Variants in CPS1 observed in about 807,000 individuals in gnomAD.
The protein encoded by CPS1 is carbamoyl-phosphate synthase [ammonia], mitochondrial.
CPS1 carries 109 observed loss-of-function variants against 174.6 expected under a neutral mutation model. The ratio of observed to expected loss-of-function variants is 0.62; its 90% CI spans 0.53 to 0.73. The LOEUF is 0.73. Among genes scored for constraint, CPS1 ranks in the 30% least tolerant of loss-of-function variants. CPS1 has a pLI of 0.00. For synonymous variants in CPS1, 637 were observed against 632.0 expected (o/e 1.01, Z -0.12); for missense variants, 1,689 against 1,821.9 (o/e 0.93, Z 1.33).
In CPS1 at chr2:210,514,399, C is replaced by T. The variant is rs148772630; in HGVS notation, c.3+36633C>T. On this transcript the variant is annotated intron_variant, in intron 1 of 38. Coordinates refer to the CPS1 transcript ENST00000430249. ...ATTTCTCCTTGTAGAGATCTCTCAC[C>T]TCCTTAGGTAGATGTATTCCTAGGT... 1.6e-3 allele frequency among the ~76,000 whole-genome samples: 250 copies of T among 151,804 alleles called. 1 individual carries two copies. The Middle Eastern group carries it at 0.044, about 27-fold the overall frequency.
At chr2:210,530,010 G>C (rs1045325080) in intron 1 of CPS1, among the ~76,000 whole-genome samples, 3 of 151,932 alleles carry the variant, frequency 2.0e-5, no homozygotes, top group Non-Finnish European at 4.4e-5. Context: ...AACTTGTAAT[G>C]GTTTTCAACT....
intron 6 of CPS1, among the ~76,000 whole-genome samples, chr2:210,583,858 A>T (rs572328437): frequency 1.3e-5 from 2 of 152,272 alleles, no homozygotes; most frequent in South Asian, 4.1e-4. Context: ...CTAGAAGGTT[A>T]TTGTAACTTA....
At chr2:210,540,134 G>GT (rs1696359732) in intron 1 of CPS1, among the ~76,000 whole-genome samples, 1 of 152,118 alleles carries the variant, frequency 6.6e-6, no homozygotes, top group Non-Finnish European at 1.5e-5. Context: ...AGTTAAAGCA[G>GT]TTTAAGAATT....
rs1317071795 is a variant in CPS1, at chr2:210,609,956, T to G, written c.2391+1397T>G. On this transcript the variant is annotated intron_variant, in intron 19 of 37. Coordinates refer to ENST00000233072, the MANE Select transcript of CPS1 (RefSeq NM_001875.5). ...TTGGCTTCCTTAATTTGTAAGATAC[T>G]AATGAAAGATTTTAAAGTAGTAACA... 2.6e-5 allele frequency among the ~76,000 whole-genome samples: 4 copies of G among 152,006 alleles called. No individual in the cohort carries two copies. The East Asian group carries it at 5.8e-4, about 22-fold the overall frequency.
At chr2:210,660,681 C>T (rs2105923184) in intron 32 of CPS1, 26 bp downstream of exon 32, 2 of 1,596,780 alleles carry the variant, frequency 1.3e-6, no homozygotes, top group Non-Finnish European at 1.7e-6. Context: ...ATTTATTAGT[C>T]ATTTTATGAG....
chr2:210,568,353 A>T (rs1697367897), intron 1 of CPS1, among the ~76,000 whole-genome samples: 1 of 152,054 alleles, frequency 6.6e-6, no homozygotes, highest in Non-Finnish European at 1.5e-5. Context: ...GAATTGAGGA[A>T]TTTGGGGAAT....
chr2:210,590,272 A>G, intron 8 of CPS1, 38 bp downstream of exon 8: 1 of 1,611,920 alleles, frequency 6.2e-7, no homozygotes, highest in South Asian at 1.1e-5. Flanking sequence ...TCTGTGTGGG[A>G]GGTGGGGGCT....
At chr2:210,574,285 A>G (rs913638393) in intron 2 of CPS1, among the ~76,000 whole-genome samples, 9 of 152,200 alleles carry the variant, frequency 5.9e-5, no homozygotes, top group Admixed American at 1.3e-4. Context: ...TTTCCAATAC[A>G]GATTCAATCC....
chr2:210,479,331 T>C (rs1447697604), intron 1 of CPS1, among the ~76,000 whole-genome samples: 2 of 51,616 alleles, frequency 3.9e-5, no homozygotes, highest in Non-Finnish European at 1.2e-4. Context: ...CATTCTTTCT[T>C]TTTTTTTTTT....
chr2:210,530,274 T>A (rs544537020), intron 1 of CPS1, among the ~76,000 whole-genome samples: 1 of 152,206 alleles, frequency 6.6e-6, no homozygotes, highest in African/African-American at 2.4e-5. Flanking sequence ...ACTCTTCTGA[T>A]TTGGAAACGT....
chr2:210,617,461 T>C (rs2105867801), intron 21 of CPS1: 1 of 152,172 alleles, frequency 6.6e-6, no homozygotes, highest in Admixed American at 6.6e-5. Context: ...ACTTAAAATA[T>C]CTTTGAGGAC....
At chr2:210,608,249 T>C in intron 18 of CPS1, 112 bp from the exon 19 acceptor site, 1 of 950,868 alleles carries the variant, frequency 1.1e-6, no homozygotes, top group Non-Finnish European at 1.6e-6. Context: ...TCAAGTGTCT[T>C]ATACCCTGAA....
intron 24 of CPS1, among the ~76,000 whole-genome samples, chr2:210,641,261 A>G (rs1221482527): frequency 6.6e-6 from 1 of 152,110 alleles, no homozygotes; most frequent in Non-Finnish European, 1.5e-5. Context: ...AGCTGGGCCT[A>G]TAGGCATGTG....
At chr2:210,660,712 C>T in intron 32 of CPS1, 57 bp downstream of exon 32, 2 of 1,508,328 alleles carry the variant, frequency 1.3e-6, no homozygotes, top group Admixed American at 3.4e-5. Flanking sequence ...ATTAAAAGAA[C>T]AATTTGTCAT....
intron 32 of CPS1, among the ~76,000 whole-genome samples, chr2:210,661,191 C>A (rs2371013): frequency 0.56 from 85,046 of 151,968 alleles, 25,524 homozygotes; most frequent in South Asian, 0.67. Flanking sequence ...AAAGAGTGAC[C>A]AGGAAAATTT....
At position 210,654,099 on chromosome 2, in the gene CPS1, A is replaced by C. The variant is rs775829352; in HGVS notation, c.3555A>C (p.Gly1185=). The C allele has an allele frequency of 9.3e-6, 15 of 1,613,638 alleles. No homozygotes were observed. Among genetic ancestry groups the C allele is most frequent in the African/African-American group, 1.3e-5 (1 of 74,900 alleles). The change falls in exon 29 of 38, where the codon GGA becomes GGC. Residue 1185 remains glycine, a synonymous_variant. Coordinates refer to ENST00000233072, the MANE Select transcript of CPS1 (RefSeq NM_001875.5). ...AAATGGACGCTGTTGGCAAAGATGG[A>C]AGGGTAAGTGCTTTATTCTCATCTC... The part of the protein sequence containing the change: ...EVEMDAVGKD[G]RVISHAISEH...
chr2:210,675,410 G>A (rs1165970099), intron 35 of CPS1, among the ~76,000 whole-genome samples: 3 of 152,014 alleles, frequency 2.0e-5, no homozygotes, highest in African/African-American at 7.2e-5. Context: ...TGCTAACAAG[G>A]AATTAGCCAT....
chr2:210,548,674 T>C (rs904996667), intron 1 of CPS1, among the ~76,000 whole-genome samples: 7 of 152,140 alleles, frequency 4.6e-5, no homozygotes, highest in Non-Finnish European at 8.8e-5. Flanking sequence ...CTTCATCTCC[T>C]TCTTGTTCTT....
intron 13 of CPS1, among the ~76,000 whole-genome samples, chr2:210,597,084 G>A (rs144542803): frequency 0.018 from 2,711 of 151,892 alleles, 77 homozygotes; most frequent in African/African-American, 0.061. Flanking sequence ...ATAAAAAATC[G>A]CCATATTCAT....
Sources: allele counts gnomAD v4.1 joint callset (sites outside exome capture counted in the v4.1 genomes callset), GRCh38; gene constraint gnomAD v4.1.1; transcripts MANE v1.5; gene names NCBI Gene and HGNC (gene_info 2026-07-23, HGNC 2026-07-21).